Variants in EMC3 observed in about 807,000 individuals in gnomAD.
EMC3 encodes 30 kDa protein.
In EMC3, 13 loss-of-function variants were observed where a neutral mutation model predicts 36.6. The observed-to-expected ratio is 0.35, with a 90% CI of 0.23 to 0.56. EMC3 has a LOEUF of 0.56. Among genes scored for constraint, EMC3 ranks in the 20% least tolerant of loss-of-function variants. EMC3 has a pLI of 0.84. For missense variants in EMC3, 220 were observed against 324.5 expected (o/e 0.68, Z 2.47); for synonymous variants, 120 against 111.9 (o/e 1.07, Z -0.46).
intron 5 of EMC3, 140 bp from the exon 6 acceptor site, chr3:9,970,801 A>C (rs2085777491): frequency 1.4e-6 from 1 of 724,882 alleles, no homozygotes; most frequent in Non-Finnish European, 2.4e-6. Flanking sequence ...AAGCACAACC[A>C]CAGAAGAAAT....
At position 9,980,459 on chromosome 3, in the gene EMC3, G is replaced by A. The variant is rs540072437; in HGVS notation, c.156-3013C>T. On this transcript the variant is annotated intron_variant, in intron 1 of 7. Transcript: ENST00000245046. ...TGGCTCATGGCAACCTTGACCTCTG[G>A]AGCTCAAGTGATCCTCCCATCTTAG... is the stretch of plus-strand genomic sequence containing the variant. 1.2e-3 allele frequency among the ~76,000 whole-genome samples: 187 copies of A among 151,718 alleles called. 3 individuals are homozygous for A. Among genetic ancestry groups the A allele is most frequent in the African/African-American group, 4.3e-3 (177 of 41,300 alleles).
chr3:9,988,703 T>A, upstream of EMC3: 1 of 1,501,840 alleles, frequency 6.7e-7, no homozygotes, highest in Non-Finnish European at 9.2e-7. Flanking sequence ...GACTCTCCTG[T>A]TTTTTCAGGC....
chr3:9,999,086 T>C (rs1430658003), intron 1 of EMC3, among the ~76,000 whole-genome samples: 1 of 152,154 alleles, frequency 6.6e-6, no homozygotes, highest in Non-Finnish European at 1.5e-5. Flanking sequence ...TGGGTTTTTG[T>C]CATTGTTGAG....
upstream of EMC3, chr3:9,987,325 C>G (rs2085988743): frequency 1.0e-6 from 1 of 985,670 alleles, no homozygotes; most frequent in Non-Finnish European, 1.2e-6. Context: ...GACCTAATCT[C>G]TTAAGTCCGG....
upstream of EMC3, chr3:9,988,327 T>C (rs1259046812): frequency 4.9e-6 from 4 of 816,844 alleles, no homozygotes; most frequent in Admixed American, 7.2e-5. Context: ...TAAGTTCTTT[T>C]CTGGTAGGTA....
chr3:9,972,064 A>G (rs947648522), intron 5 of EMC3, among the ~76,000 whole-genome samples: 2 of 152,212 alleles, frequency 1.3e-5, no homozygotes, highest in African/African-American at 4.8e-5. Flanking sequence ...AAAAAATTAT[A>G]AAGAGTGGTA....
In EMC3 at chr3:9,964,211, G is replaced by A. The variant is rs369898222; in HGVS notation, c.658-14C>T. 9.2e-5 allele frequency: 149 copies of A among 1,613,066 alleles called. No homozygotes were observed. Among genetic ancestry groups the A allele is most frequent in the Non-Finnish European group, 1.3e-4 (149 of 1,179,636 alleles). ...TTCCCACTCTGTCTGTAATGGAAGA[G>A]AACACCCAGGCAGGAAGAGAGGGAA... On this transcript the variant is annotated splice_polypyrimidine_tract_variant and intron_variant, in intron 7 of 7. Transcript: ENST00000245046.
upstream of EMC3, among the ~76,000 whole-genome samples, chr3:9,990,325 C>CTCTTTTTTT (rs756491768): frequency 6.8e-5 from 6 of 88,690 alleles, no homozygotes; most frequent in African/African-American, 3.5e-4. Context: ...GGGCCTTTCT[C>CTCTTTTTTT]TTTTTTTTTT....
intron 1 of EMC3, chr3:9,994,157 T>G (rs1364030677): frequency 6.3e-7 from 1 of 1,585,776 alleles, no homozygotes; most frequent in African/African-American, 1.3e-5. Flanking sequence ...TCCTACAGCT[T>G]CTTTTCTCTC....
At position 9,969,580 on chromosome 3, in the gene EMC3, G is replaced by T. The variant is rs1233472705; in HGVS notation, c.657+139C>A. ...TGATTCTGTCTCAGGAAAGAGAGAC[G>T]TGTAAACTATGTTTTTACTAAGTTT... On this transcript the variant is annotated intron_variant, in intron 7 of 7. Coordinates refer to ENST00000245046, the MANE Select transcript of EMC3 (RefSeq NM_001394674.1). 3.3e-6 allele frequency: 5 copies of T among 1,533,776 alleles called. 1 individual carries two copies. The highest frequency in any genetic ancestry group is 3.6e-4 in the Middle Eastern group (2 of 5,550).
At chr3:9,978,615 A>G (rs1343063530) in intron 1 of EMC3, among the ~76,000 whole-genome samples, 1 of 152,056 alleles carries the variant, frequency 6.6e-6, no homozygotes, top group Admixed American at 6.6e-5. Flanking sequence ...GCGGATCACG[A>G]GGTCAGGAGT....
chr3:10,001,655 G>A (rs2086201866), intron 1 of EMC3, among the ~76,000 whole-genome samples: 1 of 152,024 alleles, frequency 6.6e-6, no homozygotes, highest in African/African-American at 2.4e-5. Flanking sequence ...CTATGTGTCT[G>A]TCCTTCTGCC....
At chr3:10,002,982 C>T in intron 1 of EMC3, 1 of 455,826 alleles carries the variant, frequency 2.2e-6, no homozygotes, top group Non-Finnish European at 4.4e-6. Context: ...AGCCTGTGGC[C>T]TTCTTCTCCA....
intron 7 of EMC3, among the ~76,000 whole-genome samples, chr3:9,966,446 C>T (rs1014340349): frequency 1.3e-5 from 2 of 152,118 alleles, no homozygotes; most frequent in Non-Finnish European, 2.9e-5. Context: ...TGATCTTGAA[C>T]TTCTGACCTT....
upstream of EMC3, among the ~76,000 whole-genome samples, chr3:9,991,273 C>G (rs1209039125): frequency 6.6e-6 from 1 of 151,888 alleles, no homozygotes; most frequent in East Asian, 1.9e-4. Flanking sequence ...TCATATTTTT[C>G]TTTTTTAAAC....
At chr3:9,991,634 C>T (rs141778212), upstream of EMC3, among the ~76,000 whole-genome samples, 93 of 152,202 alleles carry the variant, frequency 6.1e-4, 1 homozygote, top group Admixed American at 1.8e-3. Context: ...CCCTCCTCAG[C>T]CTCCCAAAGC....
intron 6 of EMC3, among the ~76,000 whole-genome samples, chr3:9,970,160 A>C (rs2085770681): frequency 6.6e-6 from 1 of 152,228 alleles, no homozygotes; most frequent in Admixed American, 6.5e-5. Context: ...CCTTATTTAC[A>C]GATAAGTAAA....
chr3:10,007,487 T>A (rs764312828), intron 1 of EMC3: 3 of 1,367,594 alleles, frequency 2.2e-6, no homozygotes, highest in Admixed American at 1.9e-5. Context: ...CATTGGCCTT[T>A]CTGCTTCGAT....
intron 1 of EMC3, chr3:10,003,399 G>A: frequency 2.8e-6 from 1 of 361,124 alleles, no homozygotes; most frequent in Non-Finnish European, 5.5e-6. Context: ...TAGTTGCACG[G>A]CTGAAGACAA....
Sources: gnomAD v4.1 joint callset for allele counts (sites outside exome capture counted in the v4.1 genomes callset) on GRCh38, gnomAD v4.1.1 for gene constraint, MANE v1.5 for transcripts, NCBI Gene and HGNC (gene_info 2026-07-23, HGNC 2026-07-21) for gene names.